CCDC192: variants seen among roughly 807,000 people sequenced by gnomAD.
CCDC192 encodes the protein coiled-coil domain containing 192.
chr5:127,703,137 A>G (rs550614368), upstream of CCDC192, among the ~76,000 whole-genome samples: 273 of 152,318 alleles, frequency 1.8e-3, 1 homozygote, highest in African/African-American at 6.1e-3. Context: ...GGATGTAAAC[A>G]TGCCTTGGTT....
chr5:127,732,392 G>A lies in CCDC192; in HGVS notation c.115-21876G>A, dbSNP rs746201344. Among the ~76,000 whole-genome samples, 8 of 152,176 alleles carry A rather than the reference G, an allele frequency of 5.3e-5. No homozygotes were observed. In the South Asian group the frequency reaches 6.2e-4, roughly 12 times the overall value. ...AAAAAGAAACACTTTTACACTGTTC[G>A]TGGGAATGTAAATTAGTTCAACCAT... On this transcript the variant is annotated intron_variant, in intron 2 of 6. Transcript: ENST00000514853.
chr5:127,806,009 A>C (rs547106608), intron 5 of CCDC192, among the ~76,000 whole-genome samples: 18 of 152,290 alleles, frequency 1.2e-4, no homozygotes, highest in African/African-American at 4.3e-4. Flanking sequence ...GGTTGCTCCT[A>C]ACCTAGATAG....
intron 2 of CCDC192, among the ~76,000 whole-genome samples, chr5:127,727,006 G>A (rs756176303): frequency 1.1e-4 from 17 of 152,190 alleles, no homozygotes; most frequent in Non-Finnish European, 2.2e-4. Context: ...CTGGCATCAG[G>A]TTGGTGCCCC....
intron 2 of CCDC192, among the ~76,000 whole-genome samples, chr5:127,726,198 A>C (rs1449020901): frequency 6.6e-6 from 1 of 152,160 alleles, no homozygotes; most frequent in Non-Finnish European, 1.5e-5. Flanking sequence ...TGTTCTTTGT[A>C]AGACTATTAA....
At chr5:127,851,588 G>C (rs1348842846) in intron 5 of CCDC192, among the ~76,000 whole-genome samples, 1 of 152,108 alleles carries the variant, frequency 6.6e-6, no homozygotes, top group Non-Finnish European at 1.5e-5. Context: ...TTCCTGAGTA[G>C]GTGGAATTAC....
chr5:127,737,333 G>T (rs1753079165), intron 2 of CCDC192, among the ~76,000 whole-genome samples: 1 of 152,216 alleles, frequency 6.6e-6, no homozygotes, highest in Non-Finnish European at 1.5e-5. Context: ...ATTTGCTGAG[G>T]AGAGCTTTAC....
At position 127,889,255 on chromosome 5, in the gene CCDC192, T is replaced by G. The variant is rs79018811; in HGVS notation, c.535+13594T>G. The stretch of plus-strand genomic sequence containing the variant: ...AACATTCCTGAAGAAAACTGATAGA[T>G]CTACAAGTCTTCTGTTGCCTCAATT... On this transcript the variant is annotated intron_variant, in intron 6 of 6. Transcript: ENST00000514853. 1.5e-4 allele frequency among the ~76,000 whole-genome samples: 23 copies of G among 152,320 alleles called. 1 individual carries two copies. In the East Asian group the frequency reaches 4.2e-3, roughly 28 times the overall value.
chr5:127,852,717 T>C (rs189106805), intron 5 of CCDC192, among the ~76,000 whole-genome samples: 70 of 152,316 alleles, frequency 4.6e-4, no homozygotes, highest in Middle Eastern at 6.8e-3. Context: ...TCACACTTAG[T>C]TCTTAACTGT....
intron 2 of CCDC192, among the ~76,000 whole-genome samples, chr5:127,752,699 C>T (rs1375023552): frequency 6.6e-6 from 1 of 152,176 alleles, no homozygotes; most frequent in African/African-American, 2.4e-5. Context: ...ATGGCGGGCG[C>T]CCCTCCCCCA....
chr5:127,897,563 C>T (rs888548239), intron 6 of CCDC192, among the ~76,000 whole-genome samples: 2 of 152,004 alleles, frequency 1.3e-5, no homozygotes, highest in South Asian at 2.1e-4. Flanking sequence ...AATAGGACCT[C>T]GGAGGATTTT....
intron 2 of CCDC192, among the ~76,000 whole-genome samples, chr5:127,714,917 G>A (rs1470237337): frequency 6.6e-6 from 1 of 151,272 alleles, no homozygotes; most frequent in African/African-American, 2.4e-5. Context: ...TTAGCAATTT[G>A]TCTTTTGAGA....
intron 5 of CCDC192, among the ~76,000 whole-genome samples, chr5:127,862,117 C>G (rs1351135267): frequency 1.3e-5 from 2 of 152,226 alleles, no homozygotes; most frequent in South Asian, 2.1e-4. Flanking sequence ...TTCTTCATAT[C>G]TACGCTAAGA....
At chr5:127,756,738 G>A (rs1459827240) in intron 3 of CCDC192, among the ~76,000 whole-genome samples, 1 of 152,184 alleles carries the variant, frequency 6.6e-6, no homozygotes, top group East Asian at 1.9e-4. Flanking sequence ...GGGTCTTTTC[G>A]GGAAAGGGCT....
intron 3 of CCDC192, among the ~76,000 whole-genome samples, chr5:127,771,231 G>A (rs1203234297): frequency 6.6e-6 from 1 of 152,206 alleles, no homozygotes; most frequent in African/African-American, 2.4e-5. Context: ...AAACACATAG[G>A]AGCAGCACTA....
chr5:127,932,647 G>T (rs1195459566), intron 6 of CCDC192, among the ~76,000 whole-genome samples: 1 of 152,200 alleles, frequency 6.6e-6, no homozygotes, highest in African/African-American at 2.4e-5. Context: ...TAGGTGATTT[G>T]TGTTATATAT....
intron 6 of CCDC192, among the ~76,000 whole-genome samples, chr5:127,899,885 C>A (rs982582192): frequency 4.6e-5 from 7 of 152,222 alleles, no homozygotes; most frequent in African/African-American, 1.4e-4. Flanking sequence ...TGTGTGGGAC[C>A]TCAGGTGTCC....
chr5:127,904,493 G>A (rs1375489318), intron 6 of CCDC192, among the ~76,000 whole-genome samples: 2 of 141,640 alleles, frequency 1.4e-5, no homozygotes, highest in Admixed American at 1.4e-4. Flanking sequence ...TTTTGGCAGA[G>A]ACTTTTTTTT....
chr5:127,730,626 A>T (rs1033310182), intron 2 of CCDC192, among the ~76,000 whole-genome samples: 3 of 152,232 alleles, frequency 2.0e-5, no homozygotes, highest in Admixed American at 1.3e-4. Context: ...TCAATAAAAT[A>T]CTGGCAAACC....
intron 2 of CCDC192, among the ~76,000 whole-genome samples, chr5:127,729,296 T>A (rs1357399838): frequency 6.6e-6 from 1 of 152,130 alleles, no homozygotes; most frequent in African/African-American, 2.4e-5. Flanking sequence ...AGGGTTTAAT[T>A]CAACAACAAG....
Sources: gnomAD v4.1 joint callset for allele counts (sites outside exome capture counted in the v4.1 genomes callset) on GRCh38, gnomAD v4.1.1 for gene constraint, MANE v1.5 for transcripts, NCBI Gene and HGNC (gene_info 2026-07-23, HGNC 2026-07-21) for gene names.